ACTR3C: variants seen among roughly 807,000 people sequenced by gnomAD.
ACTR3C encodes the protein actin-related protein 3C.
In ACTR3C, 18 loss-of-function variants were observed where a neutral mutation model predicts 26.3. The observed-to-expected ratio is 0.68, with a 90% CI of 0.47 to 1.01. The LOEUF is 1.01. Among genes scored for constraint, ACTR3C ranks in the 50% least tolerant of loss-of-function variants. The pLI, the probability that ACTR3C is intolerant of heterozygous loss-of-function variation, is 0.00. For synonymous variants in ACTR3C, 55 were observed against 94.5 expected (o/e 0.58, Z 2.42); for missense variants, 184 against 250.7 (o/e 0.73, Z 1.80).
At chr7:150,199,662 A>T in the ACTR3C span, among the ~76,000 whole-genome samples, 4 of 142,470 alleles carry the variant, frequency 2.8e-5, no homozygotes, top group African/African-American at 5.3e-5. Context: ...ATAAAAAAAA[A>T]TAAAACATTA....
the ACTR3C span, among the ~76,000 whole-genome samples, chr7:149,976,505 G>A: frequency 6.6e-6 from 1 of 151,416 alleles, no homozygotes; most frequent in African/African-American, 2.4e-5. Context: ...ACCCATGAGA[G>A]GGAGCTTGCA....
chr7:150,138,657 C>T, the ACTR3C span, among the ~76,000 whole-genome samples: 1 of 152,292 alleles, frequency 6.6e-6, no homozygotes, highest in African/African-American at 2.4e-5. Context: ...CAGCTCTGCT[C>T]TCCTCTGCAG....
the ACTR3C span, among the ~76,000 whole-genome samples, chr7:149,885,936 C>G: frequency 6.6e-6 from 1 of 152,226 alleles, no homozygotes; most frequent in Non-Finnish European, 1.5e-5. Flanking sequence ...ACAACTGGAT[C>G]AAATTCCAGC....
chr7:150,262,863 T>C (rs1833747876), intron 6 of ACTR3C, among the ~76,000 whole-genome samples: 2 of 152,242 alleles, frequency 1.3e-5, no homozygotes, highest in Non-Finnish European at 1.5e-5. Flanking sequence ...ATAAAAAAGA[T>C]ATCTCGCCCC....
chr7:149,941,582 A>G, the ACTR3C span, among the ~76,000 whole-genome samples: 1 of 152,212 alleles, frequency 6.6e-6, no homozygotes, highest in African/African-American at 2.4e-5. Context: ...AACCGAGTTC[A>G]GGGAAAGGCA....
the ACTR3C span, among the ~76,000 whole-genome samples, chr7:150,168,581 A>G: frequency 2.0e-5 from 3 of 150,878 alleles, no homozygotes; most frequent in South Asian, 6.2e-4. Context: ...AATCATCCCA[A>G]ACCCATCACC....
chr7:149,967,028 A>ATTTTTTTTTTTTT, the ACTR3C span, among the ~76,000 whole-genome samples: 159 of 64,718 alleles, frequency 2.5e-3, 34 homozygotes, highest in Non-Finnish European at 3.1e-3. Context: ...TGCACAGCTA[A>ATTTTTTTTTTTTT]TTTTTTTTTT....
the ACTR3C span, among the ~76,000 whole-genome samples, chr7:150,177,502 T>C: frequency 3.3e-5 from 5 of 150,892 alleles, no homozygotes; most frequent in African/African-American, 1.2e-4. Flanking sequence ...ATGTTGACAA[T>C]ACAGTGGTAA....
chr7:150,305,718 G>C (rs564647717), intron 1 of ACTR3C, among the ~76,000 whole-genome samples: 8 of 152,212 alleles, frequency 5.3e-5, no homozygotes, highest in South Asian at 2.1e-4. Flanking sequence ...TATTGGGGAA[G>C]AGTGGAGTTC....
intron 1 of ACTR3C, among the ~76,000 whole-genome samples, 199 bp from the exon 2 acceptor site, chr7:150,295,546 T>C (rs1836679947): frequency 6.6e-6 from 1 of 152,282 alleles, no homozygotes; most frequent in Non-Finnish European, 1.5e-5. Flanking sequence ...AGTAAATACT[T>C]CTCTGAAGGC....
chr7:150,006,723 T>A, the ACTR3C span, among the ~76,000 whole-genome samples: 1 of 151,932 alleles, frequency 6.6e-6, no homozygotes, highest in African/African-American at 2.4e-5. Flanking sequence ...TGCAGGCGCC[T>A]CTATGGGCAA....
the ACTR3C span, among the ~76,000 whole-genome samples, chr7:150,198,003 C>A: frequency 6.6e-6 from 1 of 151,220 alleles, no homozygotes. Context: ...TGCAGGCATG[C>A]GCCGCCACGC....
intron 2 of ACTR3C, among the ~76,000 whole-genome samples, chr7:150,293,857 T>A (rs2129613279): frequency 6.6e-6 from 1 of 151,846 alleles, no homozygotes. Context: ...GATCCCTTCA[T>A]CCCAGAAGGT....
the ACTR3C span, among the ~76,000 whole-genome samples, chr7:150,234,496 G>A: frequency 2.0e-5 from 3 of 152,176 alleles, no homozygotes; most frequent in Admixed American, 2.0e-4. Context: ...GGCTTCTGGA[G>A]GTAAAATCCA....
At chr7:150,237,003 A>C in the ACTR3C span, among the ~76,000 whole-genome samples, 1 of 151,632 alleles carries the variant, frequency 6.6e-6, no homozygotes, top group Admixed American at 6.6e-5. Flanking sequence ...CTTTGGCAGG[A>C]GGCTGTCCTA....
At chr7:150,174,964 C>T in the ACTR3C span, among the ~76,000 whole-genome samples, 5 of 145,892 alleles carry the variant, frequency 3.4e-5, no homozygotes, top group Non-Finnish European at 7.4e-5. Context: ...CATCTAAGTC[C>T]TAGAAGATAT....
chr7:149,918,430 C>T, the ACTR3C span, among the ~76,000 whole-genome samples: 2 of 152,212 alleles, frequency 1.3e-5, no homozygotes, highest in Non-Finnish European at 2.9e-5. Context: ...GTGGCTCACA[C>T]CTGTAATCCC....
At chr7:150,180,178 A>T in the ACTR3C span, among the ~76,000 whole-genome samples, 7 of 149,842 alleles carry the variant, frequency 4.7e-5, no homozygotes, top group Admixed American at 3.3e-4. Flanking sequence ...GGTCGTGGGC[A>T]CCTGTAGTCC....
the ACTR3C span, among the ~76,000 whole-genome samples, chr7:150,140,054 GCA>G: frequency 6.6e-5 from 10 of 151,792 alleles, no homozygotes; most frequent in East Asian, 5.8e-4. Flanking sequence ...GCACACACAT[GCA>G]CACACACACG....
Sources: gnomAD v4.1 joint callset for allele counts (sites outside exome capture counted in the v4.1 genomes callset) on GRCh38, gnomAD v4.1.1 for gene constraint, MANE v1.5 for transcripts, NCBI Gene and HGNC (gene_info 2026-07-23, HGNC 2026-07-21) for gene names.